The following AFF2 variants were observed in gnomAD, a reference collection of about 807,000 sequenced individuals.
AFF2 encodes the protein ALF transcription elongation factor 2.
Under a neutral mutation model 76.9 loss-of-function variants are expected in AFF2, and 14 were observed. The observed-to-expected ratio is 0.18, with a 90% CI of 0.12 to 0.28. AFF2 has a LOEUF of 0.28. AFF2 is among the 10% of genes least tolerant of loss of function. The pLI, the probability that AFF2 is intolerant of heterozygous loss-of-function variation, is 1.00. For missense variants in AFF2, 868 were observed against 1,001.1 expected (o/e 0.87, Z 1.79); for synonymous variants, 398 against 366.7 (o/e 1.09, Z -0.98).
At chrX:148,660,156 A>G (rs1246193421) in intron 2 of AFF2, among the ~76,000 whole-genome samples, 1 of 111,740 alleles carries the variant, frequency 8.9e-6, no homozygotes, top group Non-Finnish European at 1.9e-5. Flanking sequence ...TATTTCTCCT[A>G]TTGCCCTCAT....
intron 1 of AFF2, among the ~76,000 whole-genome samples, chrX:148,525,483 C>T (rs1005195066): frequency 1.8e-5 from 2 of 111,425 alleles, no homozygotes; most frequent in South Asian, 3.8e-4. Flanking sequence ...TCCCATTAGT[C>T]AGATATTATC....
At chrX:148,919,488 C>G (rs1265153434) in intron 9 of AFF2, among the ~76,000 whole-genome samples, 3 of 110,389 alleles carry the variant, frequency 2.7e-5, no homozygotes, top group South Asian at 3.8e-4. Flanking sequence ...TATTGGGAAG[C>G]CTTCTGAAAC....
intron 3 of AFF2, among the ~76,000 whole-genome samples, chrX:148,737,759 A>C (rs1238900882): frequency 8.9e-6 from 1 of 111,805 alleles, no homozygotes; most frequent in African/African-American, 3.3e-5. Context: ...TGGGTTTGTC[A>C]TAGATGGCTT....
In AFF2 at chrX:148,975,490, C is replaced by A. The variant is rs782200314; in HGVS notation, c.3404+1883C>A. Among the ~76,000 whole-genome samples the A allele has an allele frequency of 1.3e-3, 143 of 111,765 alleles. 1 individual carries two copies. Among genetic ancestry groups the A allele is most frequent in the Non-Finnish European group, 1.7e-3 (92 of 53,127 alleles). On this transcript the variant is annotated intron_variant, in intron 16 of 20. Coordinates refer to ENST00000370460, the MANE Select transcript of AFF2 (RefSeq NM_002025.4). ...AAATCGAGCTGCAGAATAACATGCA[C>A]ACTACAATTATGATCATGAAAAGTT... is the stretch of plus-strand genomic sequence containing the variant.
chrX:148,620,068 G>A (rs1557251017), intron 1 of AFF2, among the ~76,000 whole-genome samples: 1 of 111,691 alleles, frequency 9.0e-6, no homozygotes, highest in Non-Finnish European at 1.9e-5. Context: ...TGAGCGTGCA[G>A]ATGTAGTCAG....
intron 3 of AFF2, among the ~76,000 whole-genome samples, chrX:148,778,529 G>A (rs1394585475): frequency 1.8e-5 from 2 of 111,143 alleles, no homozygotes; most frequent in Non-Finnish European, 3.8e-5. Context: ...ATTAATTACT[G>A]TCTCAATTTC....
At chrX:148,556,511 C>A (rs2053054583) in intron 1 of AFF2, among the ~76,000 whole-genome samples, 1 of 111,720 alleles carries the variant, frequency 9.0e-6, no homozygotes, top group Non-Finnish European at 1.9e-5. Flanking sequence ...ATTGAATGGC[C>A]TTTTCTACTT....
At chrX:148,502,001 A>G (rs1350318262) in intron 1 of AFF2, among the ~76,000 whole-genome samples, 3 of 112,113 alleles carry the variant, frequency 2.7e-5, no homozygotes, top group African/African-American at 9.7e-5. Flanking sequence ...GGACCTGGAA[A>G]GTTGTTAACT....
At chrX:148,522,295 G>A (rs1203573711) in intron 1 of AFF2, among the ~76,000 whole-genome samples, 2 of 112,635 alleles carry the variant, frequency 1.8e-5, no homozygotes, top group Non-Finnish European at 3.7e-5. Context: ...GGGGGCTTGT[G>A]CATGCATTTG....
chrX:148,841,484 A>T (rs2070599075), intron 5 of AFF2, among the ~76,000 whole-genome samples: 1 of 111,810 alleles, frequency 8.9e-6, no homozygotes, highest in Non-Finnish European at 1.9e-5. Context: ...CTCTTTCTTG[A>T]TAACTTATAT....
chrX:148,763,477 T>G (rs1446662679), intron 3 of AFF2, among the ~76,000 whole-genome samples: 3 of 111,096 alleles, frequency 2.7e-5, no homozygotes, highest in African/African-American at 9.8e-5. Flanking sequence ...CTGATTTTTT[T>G]TTTTTTAGAG....
intron 3 of AFF2, among the ~76,000 whole-genome samples, chrX:148,803,382 C>G (rs910239386): frequency 2.7e-5 from 3 of 110,683 alleles, no homozygotes; most frequent in African/African-American, 9.9e-5. Context: ...GCTGGAAGAC[C>G]CTACTCAGCT....
intron 3 of AFF2, among the ~76,000 whole-genome samples, chrX:148,746,285 C>G (rs781849068): frequency 4.5e-5 from 5 of 111,577 alleles, no homozygotes; most frequent in African/African-American, 1.6e-4. Flanking sequence ...CTTTGGATAT[C>G]AGACCCTGTT....
At chrX:148,705,003 G>T (rs148036819) in intron 3 of AFF2, among the ~76,000 whole-genome samples, 1 of 110,838 alleles carries the variant, frequency 9.0e-6, no homozygotes, top group Non-Finnish European at 1.9e-5. Context: ...TTTCACACAG[G>T]CACCCAAGTT....
chrX:148,889,733 TGA>T (rs2071201412), intron 8 of AFF2, among the ~76,000 whole-genome samples: 1 of 111,612 alleles, frequency 9.0e-6, no homozygotes, highest in Non-Finnish European at 1.9e-5. Context: ...GGAGAGCGTG[TGA>T]GAGTATAGCT....
chrX:148,981,817 G>C (rs1335191638), intron 19 of AFF2, among the ~76,000 whole-genome samples: 1 of 112,199 alleles, frequency 8.9e-6, no homozygotes, highest in African/African-American at 3.2e-5. Context: ...TCTAGAAAAC[G>C]TACTCCAAAA....
At chrX:148,532,020 TCA>T (rs2052736045) in intron 1 of AFF2, among the ~76,000 whole-genome samples, 2 of 111,123 alleles carry the variant, frequency 1.8e-5, no homozygotes, top group Admixed American at 1.9e-4. Context: ...CAAAAGTACA[TCA>T]CTGAAATCTA....
intron 1 of AFF2, among the ~76,000 whole-genome samples, chrX:148,532,411 C>A (rs1276281806): frequency 6.3e-5 from 7 of 111,946 alleles, no homozygotes; most frequent in Non-Finnish European, 1.1e-4. Flanking sequence ...TTGTAGATGA[C>A]ACTATTGTGC....
intron 7 of AFF2, among the ~76,000 whole-genome samples, chrX:148,867,715 A>C (rs951375433): frequency 9.0e-6 from 1 of 111,695 alleles, no homozygotes; most frequent in African/African-American, 3.3e-5. Flanking sequence ...TTCCTCAAAC[A>C]AAACATTTCA....
Sources: allele counts gnomAD v4.1 joint callset (sites outside exome capture counted in the v4.1 genomes callset), GRCh38; gene constraint gnomAD v4.1.1; transcripts MANE v1.5; gene names NCBI Gene and HGNC (gene_info 2026-07-23, HGNC 2026-07-21).